The following PLCL1 variants were observed in gnomAD, a reference collection of about 807,000 sequenced individuals.
The protein encoded by PLCL1 is phospholipase C like 1 (inactive).
A neutral mutation model predicts 84.4 loss-of-function variants in PLCL1; 41 were observed. That is an observed-to-expected ratio of 0.49 (90% CI 0.38 to 0.63). The LOEUF (loss-of-function observed/expected upper bound fraction) is 0.63, where lower values mean the gene tolerates loss of function less well. Ranked by LOEUF, PLCL1 falls within the 30% of genes least tolerant of loss-of-function variation. The pLI is 0.00. For missense variants in PLCL1, 1,206 were observed against 1,367.8 expected (o/e 0.88, Z 1.87); for synonymous variants, 490 against 488.3 (o/e 1.00, Z -0.05).
At chr2:198,137,453 C>A (rs1052142749) in intron 5 of PLCL1, among the ~76,000 whole-genome samples, 3 of 152,090 alleles carry the variant, frequency 2.0e-5, no homozygotes, top group Admixed American at 6.6e-5. Flanking sequence ...CAAAATAAAT[C>A]CTAAATAGAG....
chr2:198,078,561 T>G (rs559187284), intron 1 of PLCL1, among the ~76,000 whole-genome samples: 1 of 152,258 alleles, frequency 6.6e-6, no homozygotes, highest in South Asian at 2.1e-4. Context: ...TTTTCAAATA[T>G]AAATCTTTCC....
chr2:197,890,480 C>T (rs1687993426), intron 1 of PLCL1, among the ~76,000 whole-genome samples: 1 of 151,146 alleles, frequency 6.6e-6, no homozygotes, highest in Non-Finnish European at 1.5e-5. Context: ...GCATTTATTC[C>T]CTAAGCATTT....
At chr2:198,042,179 G>A (rs1691681104) in intron 1 of PLCL1, among the ~76,000 whole-genome samples, 1 of 152,142 alleles carries the variant, frequency 6.6e-6, no homozygotes, top group African/African-American at 2.4e-5. Flanking sequence ...CTTGAATGAA[G>A]ATGCAAGGTC....
intron 1 of PLCL1, among the ~76,000 whole-genome samples, chr2:198,070,806 A>G (rs1006685266): frequency 6.6e-6 from 1 of 151,972 alleles, no homozygotes; most frequent in Admixed American, 6.6e-5. Flanking sequence ...TACAAAGTGT[A>G]TCTATTGTTC....
chr2:198,061,484 A>G (rs1692198130), intron 1 of PLCL1, among the ~76,000 whole-genome samples: 1 of 152,124 alleles, frequency 6.6e-6, no homozygotes, highest in African/African-American at 2.4e-5. Context: ...TAAGAGGGGA[A>G]GGAAGGGAGG....
At chr2:197,984,036 T>C (rs1333451340) in intron 1 of PLCL1, among the ~76,000 whole-genome samples, 1 of 152,244 alleles carries the variant, frequency 6.6e-6, no homozygotes, top group African/African-American at 2.4e-5. Flanking sequence ...GTTGTATTTA[T>C]ATTAAGCTTC....
At chr2:197,837,335 A>G (rs1691212463) in intron 1 of PLCL1, among the ~76,000 whole-genome samples, 1 of 152,230 alleles carries the variant, frequency 6.6e-6, no homozygotes, top group African/African-American at 2.4e-5. Flanking sequence ...TGCTCCCTAA[A>G]TAGTAAGTAT....
chr2:197,810,294 C>T, intron 1 of PLCL1: 2 of 1,273,320 alleles, frequency 1.6e-6, no homozygotes, highest in Non-Finnish European at 2.1e-6. Flanking sequence ...CTTATAGCAC[C>T]TCTCAAGAAA....
chr2:197,813,650 G>T (rs559932007), intron 1 of PLCL1, among the ~76,000 whole-genome samples: 4 of 152,014 alleles, frequency 2.6e-5, no homozygotes, highest in African/African-American at 9.7e-5. Flanking sequence ...TGTATGATGA[G>T]TCTAGCATTG....
chr2:198,006,323 C>T, intron 1 of PLCL1, among the ~76,000 whole-genome samples: 1 of 152,052 alleles, frequency 6.6e-6, no homozygotes. Context: ...TGCTTGCATA[C>T]CTAAGGCTAA....
chr2:198,024,406 A>T (rs909148202), intron 1 of PLCL1, among the ~76,000 whole-genome samples: 2 of 144,470 alleles, frequency 1.4e-5, no homozygotes, highest in African/African-American at 2.6e-5. Context: ...ATAATTTAAA[A>T]AAAGGAAAAA....
In PLCL1 at chr2:197,910,203, A is replaced by G. The variant is rs563858950; in HGVS notation, c.240+104864A>G. Among the ~76,000 whole-genome samples, 112 of 152,318 alleles carry G rather than the reference A, an allele frequency of 7.4e-4. 1 individual carries two copies. The highest frequency in any genetic ancestry group is 2.6e-3 in the African/African-American group (110 of 41,566). ...TAGTGAAAAGGAGATGGATTTTGGA[A>G]CCATTCATACTTCATTTCCCTGGTG... is the stretch of plus-strand genomic sequence containing the variant. On this transcript the variant is annotated intron_variant, in intron 1 of 5. Coordinates refer to ENST00000428675, the MANE Select transcript of PLCL1 (RefSeq NM_006226.4).
intron 1 of PLCL1, among the ~76,000 whole-genome samples, chr2:197,953,927 C>G (rs1036457992): frequency 2.7e-5 from 4 of 150,156 alleles, no homozygotes; most frequent in African/African-American, 7.3e-5. Context: ...TAGAATAAAT[C>G]TGCATGTATT....
intron 1 of PLCL1, among the ~76,000 whole-genome samples, chr2:197,899,676 C>G (rs1187915830): frequency 9.1e-5 from 13 of 142,712 alleles, no homozygotes; most frequent in Admixed American, 2.1e-4. Context: ...CGCTCTGTCG[C>G]CCAGGCTGGA....
chr2:197,867,259 C>A (rs986143144), intron 1 of PLCL1, among the ~76,000 whole-genome samples: 1 of 152,116 alleles, frequency 6.6e-6, no homozygotes, highest in African/African-American at 2.4e-5. Context: ...TATTCTTTCT[C>A]CCTAAATCTT....
chr2:197,824,503 C>G (rs1197815085), intron 1 of PLCL1, among the ~76,000 whole-genome samples: 1 of 151,858 alleles, frequency 6.6e-6, no homozygotes, highest in Non-Finnish European at 1.5e-5. Flanking sequence ...CACTTTAGCC[C>G]AGGACCTCAA....
At chr2:197,970,351 A>G (rs1689836303) in intron 1 of PLCL1, among the ~76,000 whole-genome samples, 1 of 152,204 alleles carries the variant, frequency 6.6e-6, no homozygotes. Flanking sequence ...ATGAGAGTGC[A>G]GTCCCCATGA....
chr2:197,830,956 C>T (rs1691046451), intron 1 of PLCL1, among the ~76,000 whole-genome samples: 1 of 152,124 alleles, frequency 6.6e-6, no homozygotes, highest in African/African-American at 2.4e-5. Context: ...CCTTTACAGA[C>T]AAGCAAATGC....
At chr2:198,071,684 T>C (rs1461397275) in intron 1 of PLCL1, among the ~76,000 whole-genome samples, 1 of 151,844 alleles carries the variant, frequency 6.6e-6, no homozygotes, top group East Asian at 1.9e-4. Flanking sequence ...ACATAGCAAA[T>C]ATTTCCAGTT....
Sources: allele counts gnomAD v4.1 joint callset (sites outside exome capture counted in the v4.1 genomes callset), GRCh38; gene constraint gnomAD v4.1.1; transcripts MANE v1.5; gene names NCBI Gene and HGNC (gene_info 2026-07-23, HGNC 2026-07-21).